Variants in ANXA9 observed in about 807,000 individuals in gnomAD.
ANXA9 encodes the protein annexin 31.
Under a neutral mutation model 51.8 loss-of-function variants are expected in ANXA9, and 47 were observed. That is an observed-to-expected ratio of 0.91 (90% CI 0.72 to 1.16). The LOEUF is 1.16. ANXA9 is among the 50% of genes most tolerant of loss of function. The pLI is 0.00. For synonymous variants in ANXA9, 154 were observed against 168.7 expected (o/e 0.91, Z 0.68); for missense variants, 361 against 424.7 (o/e 0.85, Z 1.32).
upstream of ANXA9, among the ~76,000 whole-genome samples, chr1:150,979,897 A>G (rs587689520): frequency 2.0e-5 from 3 of 152,316 alleles, no homozygotes; most frequent in South Asian, 2.1e-4. Flanking sequence ...ACAACAACCT[A>G]TAACATAAAC....
intron 7 of ANXA9, among the ~76,000 whole-genome samples, chr1:150,985,785 C>G (rs1376887879): frequency 6.6e-6 from 1 of 152,084 alleles, no homozygotes; most frequent in Non-Finnish European, 1.5e-5. Flanking sequence ...CCAGGCTGGT[C>G]TCGAACTTCT....
At position 150,986,411 on chromosome 1, in the gene ANXA9, C is replaced by T. The variant is rs1671558907; in HGVS notation, c.548C>T (p.Ala183Val). The T allele has an allele frequency of 6.2e-7, 1 of 1,613,800 alleles. No homozygotes were observed. The highest frequency in any genetic ancestry group is 1.3e-5 in the African/African-American group (1 of 74,926). Residue 183 changes from alanine to valine, a missense_variant, in exon 8 of 14, where the codon GCC becomes GTC. Transcript: ENST00000368947. ...GILQDLLLAL[A>V]KGGRDSYSGI... Reference sequence around the variant, plus strand: ...TTGCAGGACCTGCTGTTGGCCCTGGCCAAGGTGAGGAGGACTGACCTGCAA... The same window carrying T: ...TTGCAGGACCTGCTGTTGGCCCTGGTCAAGGTGAGGAGGACTGACCTGCAA...
rs894488665 is a variant in ANXA9, at chr1:150,984,143, A to G, written c.267+74A>G. 58 of 1,552,122 alleles carry G rather than the reference A, an allele frequency of 3.7e-5. No individual in the cohort carries two copies. In the African/African-American group the frequency reaches 7.1e-4, roughly 19 times the overall value. ...CCTGGAGGACTCGAGAGACAGCAAC[A>G]GCCGCTGAGGCCAGCCCCTGCTTCC... On this transcript the variant is annotated intron_variant, in intron 5 of 13. Transcript: ENST00000368947.
In ANXA9 at chr1:150,986,651, AAG is replaced by A. The variant is rs762062330; in HGVS notation, c.604_605del (p.Asp202CysfsTer11). On this transcript the variant is annotated frameshift_variant, in exon 9 of 14. Transcript: ENST00000368947. LOFTEE classifies it high-confidence loss of function. ...ATCATTGACTATAATCTGGCAGAAC[AAG>A]ATGTCCAGGTGAGCAGGGGGTTTAG... 12 of 1,596,896 alleles carry A rather than the reference AAG, an allele frequency of 7.5e-6. No individual in the cohort carries two copies. The highest frequency in any genetic ancestry group is 9.4e-6 in the Non-Finnish European group (11 of 1,175,466).
chr1:150,983,121 G>A lies in ANXA9; in HGVS notation c.16G>A (p.Gly6Arg), dbSNP rs201448177. The change falls in exon 3 of 14, where the codon GGG becomes AGG. Residue 6 changes from glycine to arginine, a missense_variant. By Grantham distance (125) the Gly-to-Arg change is moderately radical. Transcript: ENST00000368947. ...CAGTAGCACCATGTCTGTGACTGGC[G>A]GGAAGATGGCACCGTCCCTCACCCA... Reference protein sequence around the residue: MSVTGGKMAPSLTQEI... With the variant: MSVTGRKMAPSLTQEI... 8.6e-5 allele frequency: 139 copies of A among 1,614,038 alleles called. No individual in the cohort carries two copies. The highest frequency in any genetic ancestry group is 3.1e-4 in the African/African-American group (23 of 75,032).
At chr1:150,988,414 A>C in intron 12 of ANXA9, 73 bp downstream of exon 12, 1 of 1,560,166 alleles carries the variant, frequency 6.4e-7, no homozygotes, top group Non-Finnish European at 8.8e-7. Context: ...CTTGCTGCTT[A>C]TGTAACCATC....
chr1:150,981,346 A>G (rs1482154517), upstream of ANXA9, among the ~76,000 whole-genome samples: 1 of 152,076 alleles, frequency 6.6e-6, no homozygotes, highest in Non-Finnish European at 1.5e-5. Context: ...GAGTGAGTGG[A>G]GGCAGGGCTG....
In ANXA9 at chr1:150,986,664, G is replaced by A. The variant is rs1671566501; in HGVS notation, c.612+3G>A. Reference sequence around the variant, plus strand: ...ATCTGGCAGAACAAGATGTCCAGGTGAGCAGGGGGTTTAGGAGTGTGCACA... The same window carrying A: ...ATCTGGCAGAACAAGATGTCCAGGTAAGCAGGGGGTTTAGGAGTGTGCACA... On this transcript the variant is annotated splice_donor_region_variant and intron_variant, in intron 9 of 13. Coordinates refer to ENST00000368947, the MANE Select transcript of ANXA9 (RefSeq NM_003568.3). 7 of 1,594,954 alleles carry A rather than the reference G, an allele frequency of 4.4e-6. No individual in the cohort carries two copies. Among genetic ancestry groups the A allele is most frequent in the Non-Finnish European group, 5.1e-6 (6 of 1,174,852 alleles).
intron 12 of ANXA9, among the ~76,000 whole-genome samples, chr1:150,990,607 T>C (rs1270171968): frequency 2.6e-5 from 4 of 152,124 alleles, no homozygotes; most frequent in African/African-American, 9.7e-5. Context: ...AGGACTTTGG[T>C]AGGCTGAGGC....
chr1:150,987,822 C>T, intron 9 of ANXA9, 50 bp from the exon 10 acceptor site: 2 of 1,524,856 alleles, frequency 1.3e-6, no homozygotes, highest in East Asian at 2.3e-5. Flanking sequence ...TCCCTAGGCC[C>T]CAACCAATGA....
chr1:150,983,119 G>A lies in ANXA9; in HGVS notation c.14G>A (p.Gly5Asp), dbSNP rs762765394. Residue 5 changes from glycine to aspartate, a missense_variant, in exon 3 of 14, where the codon GGC becomes GAC. Gly to Asp is a moderately conservative substitution (Grantham distance 94, BLOSUM62 -1). Coordinates refer to ENST00000368947, the MANE Select transcript of ANXA9 (RefSeq NM_003568.3). ...ACCAGTAGCACCATGTCTGTGACTG[G>A]CGGGAAGATGGCACCGTCCCTCACC... MSVT[G>D]GKMAPSLTQE... 9.3e-6 allele frequency: 15 copies of A among 1,614,084 alleles called. No individual in the cohort carries two copies. The highest frequency in any genetic ancestry group is 6.6e-5 in the South Asian group (6 of 91,078).
chr1:150,993,633 C>CTTTTT (rs35186445), intron 12 of ANXA9, among the ~76,000 whole-genome samples: 13 of 104,162 alleles, frequency 1.2e-4, no homozygotes, highest in East Asian at 2.9e-4. Context: ...TTCTTTCTTT[C>CTTTTT]TTTTTTTTTT....
At chr1:150,982,782 G>A (rs1485820301) in intron 2 of ANXA9, among the ~76,000 whole-genome samples, 199 bp downstream of exon 2, 1 of 152,194 alleles carries the variant, frequency 6.6e-6, no homozygotes, top group Non-Finnish European at 1.5e-5. Flanking sequence ...ATCTACCGCG[G>A]ACCAAGGCCT....
At chr1:150,987,517 C>G (rs1671594599) in intron 9 of ANXA9, among the ~76,000 whole-genome samples, 1 of 151,940 alleles carries the variant, frequency 6.6e-6, no homozygotes, top group South Asian at 2.1e-4. Flanking sequence ...CACTTGAGGT[C>G]AGGAGTTCGA....
intron 12 of ANXA9, among the ~76,000 whole-genome samples, chr1:150,991,598 G>A (rs1671700970): frequency 1.3e-5 from 2 of 151,708 alleles, no homozygotes; most frequent in African/African-American, 2.4e-5. Flanking sequence ...CTGGAGTGCA[G>A]TGGCACGATC....
chr1:150,992,609 A>C (rs1671733463), intron 12 of ANXA9, among the ~76,000 whole-genome samples: 1 of 152,100 alleles, frequency 6.6e-6, no homozygotes, highest in Non-Finnish European at 1.5e-5. Context: ...CAGGAGTTTG[A>C]GACCAGCCTG....
chr1:150,988,466 G>T (rs919322462), intron 12 of ANXA9, 125 bp downstream of exon 12: 4 of 1,176,372 alleles, frequency 3.4e-6, no homozygotes, highest in East Asian at 2.5e-5. Flanking sequence ...TCCTTCCCAG[G>T]GCTTACACAC....
At chr1:150,979,563 C>T (rs1671380983), upstream of ANXA9, among the ~76,000 whole-genome samples, 1 of 152,178 alleles carries the variant, frequency 6.6e-6, no homozygotes, top group Non-Finnish European at 1.5e-5. Context: ...CTGGCGTCCT[C>T]AGGAGGCTGC....
At chr1:150,986,285 C>T (rs776296738) in intron 7 of ANXA9, 51 bp from the exon 8 acceptor site, 1 of 1,560,266 alleles carries the variant, frequency 6.4e-7, no homozygotes, top group Non-Finnish European at 8.8e-7. Context: ...CTGGGGATAT[C>T]TACACTAGGA....
Sources: gnomAD v4.1 joint callset for allele counts (sites outside exome capture counted in the v4.1 genomes callset) on GRCh38, gnomAD v4.1.1 for gene constraint, MANE v1.5 for transcripts, NCBI Gene and HGNC (gene_info 2026-07-23, HGNC 2026-07-21) for gene names.